Variants in KIAA1217 observed in about 807,000 individuals in gnomAD.
KIAA1217 encodes the protein sickle tail protein homolog.
In KIAA1217, 88 loss-of-function variants were observed where a neutral mutation model predicts 163.9. The ratio of observed to expected loss-of-function variants is 0.54; its 90% CI spans 0.45 to 0.64. KIAA1217 has a LOEUF of 0.64. KIAA1217 is among the 30% of genes least tolerant of loss of function. The probability of loss-of-function intolerance (pLI) is 0.00; values close to 1 mark genes in which losing one functional copy is unlikely to be tolerated. For synonymous variants in KIAA1217, 903 were observed against 923.1 expected, an observed-to-expected ratio of 0.98 and a Z score of 0.39; for missense variants, 2,372 against 2,475.0, an observed-to-expected ratio of 0.96 and a Z score of 0.88.
At chr10:23,862,856 G>A (rs1206339013) in intron 1 of KIAA1217, among the ~76,000 whole-genome samples, 1 of 152,062 alleles carries the variant, frequency 6.6e-6, no homozygotes, top group African/African-American at 2.4e-5. Context: ...TTCTTGCCTT[G>A]ATGCTACATT....
In KIAA1217 at chr10:24,071,636, G is replaced by A. The variant is rs116362562; in HGVS notation, c.-171+64262G>A. On this transcript the variant is annotated intron_variant, in intron 2 of 18. Transcript: ENST00000376462. ...CTATGTTGCCAAATGGTGAGTGAAC[G>A]GTTAAGTCCAGCCTAGTATGGATTC... Among the ~76,000 whole-genome samples, 733 of 152,210 alleles carry A rather than the reference G, an allele frequency of 4.8e-3. 5 individuals carry two copies. Among genetic ancestry groups the A allele is most frequent in the African/African-American group, 0.017 (706 of 41,518 alleles).
chr10:24,084,036 C>T (rs1220824886), intron 2 of KIAA1217, among the ~76,000 whole-genome samples: 1 of 152,142 alleles, frequency 6.6e-6, no homozygotes, highest in African/African-American at 2.4e-5. Flanking sequence ...ACTTGCTCTC[C>T]CTCTGGTCTG....
At chr10:24,175,320 G>A (rs1392489691) in intron 2 of KIAA1217, among the ~76,000 whole-genome samples, 1 of 152,136 alleles carries the variant, frequency 6.6e-6, no homozygotes, top group Non-Finnish European at 1.5e-5. Flanking sequence ...AACATACAAT[G>A]TTCGGTTTTT....
At chr10:23,780,285 A>G (rs562256044) in intron 1 of KIAA1217, among the ~76,000 whole-genome samples, 5 of 152,190 alleles carry the variant, frequency 3.3e-5, no homozygotes, top group Non-Finnish European at 7.4e-5. Flanking sequence ...TAAGGCACCT[A>G]AAATCTACTC....
rs534542193 is a variant in KIAA1217, at chr10:24,112,729, C to T, written c.-171+105355C>T. On this transcript the variant is annotated intron_variant, in intron 2 of 18. Coordinates refer to the KIAA1217 transcript ENST00000376462. ...CCTCCCAAGTAGCTGGGACTACAGG[C>T]GCTCGCCCCCATGCCCGGCCAATTT... Among the ~76,000 whole-genome samples, 6 of 152,122 alleles carry T rather than the reference C, an allele frequency of 3.9e-5. No homozygotes were observed. In the East Asian group the frequency reaches 5.8e-4, roughly 15 times the overall value.
At chr10:23,730,702 T>A (rs1251460326) in intron 1 of KIAA1217, among the ~76,000 whole-genome samples, 1 of 152,204 alleles carries the variant, frequency 6.6e-6, no homozygotes, top group Non-Finnish European at 1.5e-5. Context: ...ATAGATCTTG[T>A]ATATATTTTG....
intron 2 of KIAA1217, among the ~76,000 whole-genome samples, chr10:24,258,543 A>T (rs1271806408): frequency 6.6e-6 from 1 of 152,016 alleles, no homozygotes; most frequent in East Asian, 1.9e-4. Flanking sequence ...AACCGTGGGC[A>T]GACAGCACAC....
At chr10:24,367,642 T>C (rs2050968191) in intron 2 of KIAA1217, among the ~76,000 whole-genome samples, 1 of 152,246 alleles carries the variant, frequency 6.6e-6, no homozygotes, top group Non-Finnish European at 1.5e-5. Context: ...GTCATTCTGC[T>C]TTGCTCAGTT....
intron 1 of KIAA1217, among the ~76,000 whole-genome samples, chr10:23,809,139 C>T (rs149836631): frequency 2.6e-5 from 4 of 151,838 alleles, no homozygotes; most frequent in African/African-American, 4.8e-5. Context: ...ACAGTTCAAA[C>T]GTGTCCTTGA....
intron 1 of KIAA1217, among the ~76,000 whole-genome samples, chr10:23,800,612 G>A (rs1011734828): frequency 2.0e-5 from 3 of 152,090 alleles, no homozygotes; most frequent in South Asian, 2.1e-4. Flanking sequence ...AGCCCCTTTC[G>A]CTGTAGCAGA....
chr10:24,292,326 A>G lies in KIAA1217; in HGVS notation c.354+72417A>G, dbSNP rs74323638. On this transcript the variant is annotated intron_variant, in intron 2 of 20. Coordinates refer to ENST00000376454, the MANE Select transcript of KIAA1217 (RefSeq NM_019590.5). ...AGACCAATTTGGACCAATAACTTGGAGCTCAGAATTAACCACTGTATTTCT... is the reference window on the plus strand; with the variant it reads ...AGACCAATTTGGACCAATAACTTGGGGCTCAGAATTAACCACTGTATTTCT... Among the ~76,000 whole-genome samples the G allele has an allele frequency of 9.4e-3, 1,437 of 152,306 alleles. 28 individuals are homozygous for G. The highest frequency in any genetic ancestry group is 0.083 in the East Asian group (432 of 5,174).
At chr10:24,254,013 G>C (rs765756449) in intron 2 of KIAA1217, among the ~76,000 whole-genome samples, 1 of 152,174 alleles carries the variant, frequency 6.6e-6, no homozygotes, top group African/African-American at 2.4e-5. Flanking sequence ...AACAGGATAC[G>C]TGTGTCATGC....
intron 2 of KIAA1217, among the ~76,000 whole-genome samples, chr10:24,176,732 C>A: frequency 6.6e-6 from 1 of 152,254 alleles, no homozygotes; most frequent in Middle Eastern, 3.2e-3. Flanking sequence ...CACCCACACT[C>A]CTTGGCCTTT....
Position 24,028,611 on chromosome 10 carries a change from A to G in KIAA1217, c.-171+21237A>G, listed in dbSNP as rs114945506. Among the ~76,000 whole-genome samples, 483 of 152,294 alleles carry G rather than the reference A, an allele frequency of 3.2e-3. 1 individual carries two copies. Among genetic ancestry groups the G allele is most frequent in the African/African-American group, 0.011 (451 of 41,570 alleles). On this transcript the variant is annotated intron_variant, in intron 2 of 18. Coordinates refer to the KIAA1217 transcript ENST00000376462. ...TCAGGGTCCAAGGAGCATGTGACCA[A>G]TTGGAAGCACTTAGAAGATTTCAAA... is the stretch of plus-strand genomic sequence containing the variant.
intron 2 of KIAA1217, among the ~76,000 whole-genome samples, chr10:24,116,981 TG>T (rs1246221026): frequency 6.6e-6 from 1 of 152,084 alleles, no homozygotes; most frequent in Non-Finnish European, 1.5e-5. Flanking sequence ...AGGGCTCTGA[TG>T]GGCAGGAGTA....
intron 3 of KIAA1217, among the ~76,000 whole-genome samples, chr10:24,391,210 C>G (rs3858213): frequency 0.52 from 78,514 of 151,932 alleles, 22,853 homozygotes; most frequent in African/African-American, 0.8. Flanking sequence ...ACAAAGGTGT[C>G]AACCCTCAGG....
intron 2 of KIAA1217, among the ~76,000 whole-genome samples, chr10:24,331,034 T>A (rs1421003042): frequency 6.6e-6 from 1 of 151,290 alleles, no homozygotes; most frequent in African/African-American, 2.5e-5. Flanking sequence ...GCCTTGAACT[T>A]CTGAACCCAA....
At chr10:23,889,151 G>T (rs1386884509) in intron 1 of KIAA1217, among the ~76,000 whole-genome samples, 2 of 151,798 alleles carry the variant, frequency 1.3e-5, no homozygotes, top group Non-Finnish European at 2.9e-5. Context: ...CATACATTTT[G>T]GTGTTCATAG....
intron 2 of KIAA1217, among the ~76,000 whole-genome samples, chr10:24,325,528 G>T (rs2044756514): frequency 6.6e-6 from 1 of 152,198 alleles, no homozygotes; most frequent in South Asian, 2.1e-4. Context: ...GTCTCAGATA[G>T]TTAAGGCAGC....
Sources: allele counts gnomAD v4.1 joint callset (sites outside exome capture counted in the v4.1 genomes callset), GRCh38; gene constraint gnomAD v4.1.1; transcripts MANE v1.5; gene names NCBI Gene and HGNC (gene_info 2026-07-23, HGNC 2026-07-21).